NTNG1: variants seen among roughly 807,000 people sequenced by gnomAD.
NTNG1 encodes the protein netrin-G1.
In NTNG1, 16 loss-of-function variants were observed where a neutral mutation model predicts 54.0. The ratio of observed to expected loss-of-function variants is 0.30; its 90% confidence interval spans 0.20 to 0.45. The LOEUF (loss-of-function observed/expected upper bound fraction) is 0.45. Among genes scored for constraint, NTNG1 ranks in the 20% least tolerant of loss-of-function variants. NTNG1 has a pLI of 1.00. For synonymous variants in NTNG1, 255 were observed against 263.1 expected, an observed-to-expected ratio of 0.97 and a Z score of 0.30; for missense variants, 530 against 678.7, an observed-to-expected ratio of 0.78 and a Z score of 2.43.
chr1:107,479,003 T>G (rs1678519989), intron 7 of NTNG1, among the ~76,000 whole-genome samples: 1 of 152,226 alleles, frequency 6.6e-6, no homozygotes, highest in African/African-American at 2.4e-5. Context: ...GCTTATATAA[T>G]CATTAGAAAC....
At chr1:107,435,718 C>T (rs1675553572) in intron 6 of NTNG1, among the ~76,000 whole-genome samples, 1 of 151,964 alleles carries the variant, frequency 6.6e-6, no homozygotes, top group Non-Finnish European at 1.5e-5. Context: ...CTTAATGTAC[C>T]CATTTTTAAA....
At chr1:107,478,238 C>A (rs1398054356) in intron 7 of NTNG1, among the ~76,000 whole-genome samples, 1 of 152,128 alleles carries the variant, frequency 6.6e-6, no homozygotes, top group Non-Finnish European at 1.5e-5. Context: ...CTAACACAAT[C>A]AAGAGACCAA....
intron 2 of NTNG1, among the ~76,000 whole-genome samples, chr1:107,292,692 G>A (rs1336654169): frequency 6.6e-6 from 1 of 152,112 alleles, no homozygotes; most frequent in Non-Finnish European, 1.5e-5. Flanking sequence ...GGTAAGGGAA[G>A]AATGCCTCTG....
intron 4 of NTNG1, among the ~76,000 whole-genome samples, chr1:107,406,240 C>T (rs10785821): frequency 0.44 from 66,562 of 151,858 alleles, 15,531 homozygotes; most frequent in Non-Finnish European, 0.52. Context: ...TAGAAATCTC[C>T]GAGCAAGCTA....
intron 2 of NTNG1, among the ~76,000 whole-genome samples, chr1:107,254,853 G>T (rs1324031156): frequency 6.6e-6 from 1 of 152,118 alleles, no homozygotes; most frequent in East Asian, 1.9e-4. Flanking sequence ...GCTTATGGCG[G>T]TATTAGACAC....
At chr1:107,480,583 C>CCCCCCCCCAAA in intron 7 of NTNG1, 28 bp from the exon 8 acceptor site, 5 of 744,750 alleles carry the variant, frequency 6.7e-6, no homozygotes, top group Non-Finnish European at 9.1e-6. Context: ...CGCGCCCACC[C>CCCCCCCCCAAA]ACCCCTACCT....
At chr1:107,352,453 G>C (rs1425440308) in intron 3 of NTNG1, among the ~76,000 whole-genome samples, 1 of 152,000 alleles carries the variant, frequency 6.6e-6, no homozygotes, top group Non-Finnish European at 1.5e-5. Context: ...AGACCCACTA[G>C]ACAATGCTCA....
intron 5 of NTNG1, 146 bp from the exon 6 acceptor site, chr1:107,430,604 T>C (rs1026650904): frequency 6.0e-6 from 5 of 837,870 alleles, no homozygotes; most frequent in Non-Finnish European, 1.0e-5. Context: ...CACAACCACC[T>C]GTTGCCACCA....
At chr1:107,197,373 G>A (rs1315102727) in intron 2 of NTNG1, among the ~76,000 whole-genome samples, 1 of 151,972 alleles carries the variant, frequency 6.6e-6, no homozygotes, top group Non-Finnish European at 1.5e-5. Context: ...AATGGCAAAC[G>A]TCAATACTTT....
At chr1:107,372,658 T>A (rs1670992128) in intron 3 of NTNG1, among the ~76,000 whole-genome samples, 1 of 152,116 alleles carries the variant, frequency 6.6e-6, no homozygotes, top group Non-Finnish European at 1.5e-5. Flanking sequence ...GCCAATAAGA[T>A]CAAGTTGGTG....
intron 2 of NTNG1, among the ~76,000 whole-genome samples, chr1:107,229,743 A>G (rs564062249): frequency 6.6e-6 from 1 of 152,070 alleles, no homozygotes; most frequent in South Asian, 2.1e-4. Flanking sequence ...TTTATTTAAA[A>G]ATATTATTTT....
intron 2 of NTNG1, among the ~76,000 whole-genome samples, chr1:107,265,737 G>C (rs41440148): frequency 6.6e-6 from 1 of 152,264 alleles, no homozygotes; most frequent in African/African-American, 2.4e-5. Context: ...AACATATTCA[G>C]TCATGTTCCT....
intron 2 of NTNG1, among the ~76,000 whole-genome samples, chr1:107,191,436 A>C (rs1323681118): frequency 6.6e-6 from 1 of 151,870 alleles, no homozygotes; most frequent in Non-Finnish European, 1.5e-5. Flanking sequence ...GTTTAATTAG[A>C]TCCCATTTGT....
At chr1:107,338,095 A>G (rs1668693902) in intron 3 of NTNG1, among the ~76,000 whole-genome samples, 1 of 152,006 alleles carries the variant, frequency 6.6e-6, no homozygotes, top group African/African-American at 2.4e-5. Context: ...GGATGATGCC[A>G]CTGTTAGAAA....
At chr1:107,190,187 T>C (rs1657796045) in intron 2 of NTNG1, among the ~76,000 whole-genome samples, 1 of 152,088 alleles carries the variant, frequency 6.6e-6, no homozygotes, top group Non-Finnish European at 1.5e-5. Context: ...TATTGTTTAA[T>C]GGGCACAGAG....
intron 2 of NTNG1, among the ~76,000 whole-genome samples, chr1:107,304,626 A>G (rs1666553965): frequency 6.6e-6 from 1 of 152,160 alleles, no homozygotes; most frequent in African/African-American, 2.4e-5. Context: ...TTGGACATCC[A>G]GTTGATATTA....
intron 2 of NTNG1, among the ~76,000 whole-genome samples, chr1:107,149,058 C>T (rs1654357610): frequency 6.6e-6 from 1 of 152,004 alleles, no homozygotes; most frequent in South Asian, 2.1e-4. Context: ...TTACTTTCCG[C>T]TTCCCTGAAA....
chr1:107,155,020 C>A (rs1371720186), intron 2 of NTNG1, among the ~76,000 whole-genome samples: 5 of 152,002 alleles, frequency 3.3e-5, no homozygotes, highest in Admixed American at 2.0e-4. Flanking sequence ...CTGGAGATAA[C>A]CTTGTCTGCT....
chr1:107,268,853 C>T (rs912891275), intron 2 of NTNG1, among the ~76,000 whole-genome samples: 1 of 152,204 alleles, frequency 6.6e-6, no homozygotes, highest in African/African-American at 2.4e-5. Flanking sequence ...GTCTTCATCA[C>T]ATGAAAAACC....
Sources: gnomAD v4.1 joint callset for allele counts (sites outside exome capture counted in the v4.1 genomes callset) on GRCh38, gnomAD v4.1.1 for gene constraint, MANE v1.5 for transcripts, NCBI Gene and HGNC (gene_info 2026-07-23, HGNC 2026-07-21) for gene names.